The following DPY19L1 variants were observed in gnomAD, a reference collection of about 807,000 sequenced individuals.
DPY19L1 encodes the protein protein C-mannosyl-transferase DPY19L1.
In DPY19L1, 35 loss-of-function variants were observed where a neutral mutation model predicts 96.9. The ratio of observed to expected loss-of-function variants is 0.36; its 90% CI spans 0.28 to 0.48. The LOEUF (loss-of-function observed/expected upper bound fraction) is 0.48, where lower values mean the gene tolerates loss of function less well. Ranked by LOEUF, DPY19L1 falls within the 20% of genes least tolerant of loss-of-function variation. The pLI is 0.99. For missense variants in DPY19L1, 521 were observed against 777.9 expected, an observed-to-expected ratio of 0.67 and a Z score of 3.93; for synonymous variants, 205 against 252.6, an observed-to-expected ratio of 0.81 and a Z score of 1.79.
intron 7 of DPY19L1, among the ~76,000 whole-genome samples, chr7:34,985,792 G>C (rs1732814060): frequency 6.6e-6 from 1 of 151,880 alleles, no homozygotes; most frequent in Admixed American, 6.6e-5. Context: ...AAATAGAATA[G>C]CAATCCCACT....
At chr7:35,030,233 T>C (rs1317695661) in intron 1 of DPY19L1, among the ~76,000 whole-genome samples, 2 of 152,202 alleles carry the variant, frequency 1.3e-5, no homozygotes, top group South Asian at 2.1e-4. Flanking sequence ...TGTTAGGAAA[T>C]AGGAAAAGTA....
intron 1 of DPY19L1, among the ~76,000 whole-genome samples, chr7:35,033,536 A>G (rs1006187695): frequency 1.3e-5 from 2 of 152,196 alleles, no homozygotes; most frequent in Non-Finnish European, 2.9e-5. Flanking sequence ...ATTTTTTACC[A>G]TAATCAGACA....
At chr7:34,939,108 G>A (rs1783936229) in intron 20 of DPY19L1, 168 bp downstream of exon 20, 1 of 536,862 alleles carries the variant, frequency 1.9e-6, no homozygotes, top group African/African-American at 1.9e-5. Context: ...AGCTTTAACG[G>A]ATTTGTTTAG....
intron 6 of DPY19L1, among the ~76,000 whole-genome samples, chr7:35,000,903 A>G (rs1369556189): frequency 6.6e-6 from 1 of 152,248 alleles, no homozygotes; most frequent in East Asian, 1.9e-4. Context: ...AAAATTAACT[A>G]AAGCTGCAGA....
At chr7:34,939,613 ATTTC>A (rs930920197) in intron 19 of DPY19L1, among the ~76,000 whole-genome samples, 5 of 152,338 alleles carry the variant, frequency 3.3e-5, no homozygotes, top group African/African-American at 9.6e-5. Context: ...ATCATTAAAG[ATTTC>A]TTTCTTTCTT....
At chr7:34,936,822 T>G (rs1444977876) in intron 21 of DPY19L1, among the ~76,000 whole-genome samples, 1 of 152,252 alleles carries the variant, frequency 6.6e-6, no homozygotes, top group African/African-American at 2.4e-5. Flanking sequence ...AGATACTATG[T>G]CACAGAACTA....
intron 1 of DPY19L1, among the ~76,000 whole-genome samples, chr7:35,024,206 C>T (rs1480461164): frequency 2.6e-5 from 4 of 152,244 alleles, no homozygotes; most frequent in Non-Finnish European, 5.9e-5. Context: ...AAAAATTCAA[C>T]CTACTCCTAA....
rs1466651548 is a variant in DPY19L1, at chr7:34,990,850, T to G, written c.765-909A>C. On this transcript the variant is annotated intron_variant, in intron 6 of 21. Coordinates refer to ENST00000638088, the MANE Select transcript of DPY19L1 (RefSeq NM_001366673.1). ...TTTTCTCTATCTACCTTCCTTTTAT[T>G]TCTCTATCTATAAGTATACCACAGA... is the stretch of plus-strand genomic sequence containing the variant. Among the ~76,000 whole-genome samples, 4 of 152,230 alleles carry G rather than the reference T, an allele frequency of 2.6e-5. No individual in the cohort carries two copies. In the East Asian group the frequency reaches 7.7e-4, roughly 29 times the overall value.
chr7:35,005,432 C>T (rs1785527571), intron 6 of DPY19L1, among the ~76,000 whole-genome samples: 1 of 151,188 alleles, frequency 6.6e-6, no homozygotes, highest in South Asian at 2.1e-4. Context: ...ACCAGGGCCT[C>T]GCTGCTGGGG....
chr7:34,966,675 T>C (rs186264692), intron 10 of DPY19L1, among the ~76,000 whole-genome samples: 63 of 152,348 alleles, frequency 4.1e-4, no homozygotes, highest in Non-Finnish European at 5.4e-4. Context: ...TTACTGATAC[T>C]GCATAAGTTG....
intron 6 of DPY19L1, among the ~76,000 whole-genome samples, chr7:34,990,707 G>A (rs1347821926): frequency 6.6e-6 from 1 of 152,152 alleles, no homozygotes; most frequent in Non-Finnish European, 1.5e-5. Flanking sequence ...CTGGGTAGGG[G>A]ACATAAGGCT....
rs1785130787 is a variant in DPY19L1 at position 34,989,883 on chromosome 7, CCT to C, written c.821_822del (p.Glu274ValfsTer12). On this transcript the variant is annotated frameshift_variant and splice_region_variant, in exon 7 of 22. Coordinates refer to ENST00000638088, the MANE Select transcript of DPY19L1 (RefSeq NM_001366673.1). LOFTEE classifies it high-confidence loss of function. ...TCTGAGAATAGTTTTTGATTACCTA[CCT>C]CTCCATGATTGAAAAAGAAGCACAA... ...TVLCFFFNHG[E>X]CTRVMWTPPL... is the part of the protein sequence containing the mutation. 6.3e-7 allele frequency: 1 copy of C among 1,592,502 alleles called. No homozygotes were observed. Among genetic ancestry groups the C allele is most frequent in the Admixed American group, 1.8e-5 (1 of 55,840 alleles).
At chr7:34,994,218 T>C (rs1362401901) in intron 6 of DPY19L1, among the ~76,000 whole-genome samples, 2 of 152,132 alleles carry the variant, frequency 1.3e-5, no homozygotes, top group African/African-American at 2.4e-5. Flanking sequence ...GGAAACATAT[T>C]AGGGATCTGA....
intron 7 of DPY19L1, among the ~76,000 whole-genome samples, chr7:34,976,078 T>G (rs2128669203): frequency 6.6e-6 from 1 of 152,298 alleles, no homozygotes; most frequent in South Asian, 2.1e-4. Context: ...GTCTTATTAT[T>G]TAAGAGATAT....
intron 19 of DPY19L1, 34 bp downstream of exon 19, chr7:34,940,119 A>AAT: frequency 6.9e-7 from 1 of 1,456,772 alleles, no homozygotes; most frequent in Non-Finnish European, 9.0e-7. Flanking sequence ...ACAGCTAAAT[A>AAT]ATATGACTTT....
intron 6 of DPY19L1, among the ~76,000 whole-genome samples, chr7:35,002,125 C>CAAAA (rs548044939): frequency 2.1e-5 from 1 of 47,094 alleles, no homozygotes; most frequent in African/African-American, 8.2e-5. Flanking sequence ...GACTCCAGCT[C>CAAAA]AAAAAAAAAA....
chr7:34,976,160 A>C (rs1032413072), intron 7 of DPY19L1, among the ~76,000 whole-genome samples: 1 of 152,198 alleles, frequency 6.6e-6, no homozygotes, highest in African/African-American at 2.4e-5. Context: ...AATCTTCTGG[A>C]GTGGATTAAC....
chr7:34,994,063 AAAAAT>A (rs1785231633), intron 6 of DPY19L1, among the ~76,000 whole-genome samples: 1 of 152,180 alleles, frequency 6.6e-6, no homozygotes. Flanking sequence ...AACTGTCTCA[AAAAAT>A]AAAAATTTTT....
chr7:35,026,026 A>G (rs2128682213), intron 1 of DPY19L1, among the ~76,000 whole-genome samples: 1 of 152,318 alleles, frequency 6.6e-6, no homozygotes. Context: ...GTGGCACTAA[A>G]GATAAGAGGT....
Sources: allele counts gnomAD v4.1 joint callset (sites outside exome capture counted in the v4.1 genomes callset), GRCh38; gene constraint gnomAD v4.1.1; transcripts MANE v1.5; gene names NCBI Gene and HGNC (gene_info 2026-07-23, HGNC 2026-07-21).